Variants in WWTR1 observed in about 807,000 individuals in gnomAD.
WWTR1 encodes the protein WW domain containing transcription regulator 1, also known as WW domain-containing transcription regulator protein 1.
In WWTR1, 13 loss-of-function variants were observed where a neutral mutation model predicts 40.1. That is an observed-to-expected ratio of 0.32 (90% confidence interval 0.21 to 0.52). The LOEUF (loss-of-function observed/expected upper bound fraction) is 0.52, where lower values mean the gene tolerates loss of function less well. Ranked by LOEUF, WWTR1 falls within the 20% of genes least tolerant of loss-of-function variation. The pLI, the probability that WWTR1 is intolerant of heterozygous loss-of-function variation, is 0.97. For missense variants in WWTR1, 436 were observed against 523.1 expected, an observed-to-expected ratio of 0.83 and a Z score of 1.63; for synonymous variants, 230 against 210.1, an observed-to-expected ratio of 1.09 and a Z score of -0.82.
chr3:149,626,192 T>C (rs1740536453), intron 2 of WWTR1, among the ~76,000 whole-genome samples: 1 of 152,208 alleles, frequency 6.6e-6, no homozygotes, highest in South Asian at 2.1e-4. Flanking sequence ...GTGCATTTGA[T>C]TTCAGTAGGA....
intron 5 of WWTR1, among the ~76,000 whole-genome samples, chr3:149,711,414 A>G (rs1715475189): frequency 6.6e-6 from 1 of 152,222 alleles, no homozygotes; most frequent in Non-Finnish European, 1.5e-5. Context: ...TACTATTATT[A>G]TTAACACAAC....
At chr3:149,716,130 C>T (rs1174269796) in intron 5 of WWTR1, among the ~76,000 whole-genome samples, 1 of 152,120 alleles carries the variant, frequency 6.6e-6, no homozygotes, top group African/African-American at 2.4e-5. Context: ...TGCCTGTAAT[C>T]CCAGCACTTT....
At chr3:149,687,231 G>T (rs73000102) in intron 1 of WWTR1, among the ~76,000 whole-genome samples, 6,630 of 152,102 alleles carry the variant, frequency 0.044, 267 homozygotes, top group African/African-American at 0.11. Context: ...AACTTGCCCC[G>T]CGTGCTTATC....
chr3:149,671,287 G>A (rs2108191666), intron 1 of WWTR1, among the ~76,000 whole-genome samples: 1 of 152,224 alleles, frequency 6.6e-6, no homozygotes, highest in Non-Finnish European at 1.5e-5. Flanking sequence ...GACAAGCAAG[G>A]ACATTCCTGT....
At chr3:149,723,189 T>TTTC (rs1715798750) in intron 4 of WWTR1, among the ~76,000 whole-genome samples, 1 of 141,928 alleles carries the variant, frequency 7.0e-6, no homozygotes, top group African/African-American at 2.6e-5. Flanking sequence ...TCTTTTCTTT[T>TTTC]TTTTTTTTTT....
chr3:149,571,214 C>CTTTTTTTTTTTTTTTT (rs10535515), intron 3 of WWTR1, among the ~76,000 whole-genome samples: 1 of 101,276 alleles, frequency 9.9e-6, no homozygotes, highest in African/African-American at 3.9e-5. Flanking sequence ...TTTTTCTTTT[C>CTTTTTTTTTTTTTTTT]TTTTTTTTTT....
At position 149,656,878 on chromosome 3, in the gene WWTR1, G is replaced by C. The variant is rs780370218; in HGVS notation, c.429C>G (p.Leu143=). Residue 143 remains leucine (L), a splice_region_variant and synonymous_variant, in exon 2 of 7, where the codon CTC becomes CTG. Transcript: ENST00000360632. ...TFTATGQRYF[L]NHIEKITTWQ... ...TCTTCGGCTCCAGGCTGACTTACTT[G>C]AGGAAGTACCTCTGGCCAGTGGCCG... 64 of 1,514,188 alleles carry C rather than the reference G, an allele frequency of 4.2e-5. No individual in the cohort carries two copies. Among genetic ancestry groups the C allele is most frequent in the Non-Finnish European group, 5.4e-5 (62 of 1,139,204 alleles). 93.8% of individuals were successfully genotyped at this position (1,514,188 alleles called of 1,614,324 possible).
chr3:149,612,896 T>G (rs1314403409), intron 2 of WWTR1, among the ~76,000 whole-genome samples: 1 of 152,202 alleles, frequency 6.6e-6, no homozygotes, highest in East Asian at 1.9e-4. Flanking sequence ...CTACACAATT[T>G]TTAATGTTTT....
At chr3:149,662,743 G>T (rs936951510), upstream of WWTR1, among the ~76,000 whole-genome samples, 16 of 151,964 alleles carry the variant, frequency 1.1e-4, no homozygotes, top group Non-Finnish European at 1.5e-5. Context: ...TATCAATCTG[G>T]CACTAAAGGT....
chr3:149,657,487 G>A lies in WWTR1; in HGVS notation c.-3-178C>T, dbSNP rs1713320355. ...CAGCGGTAAGACCAGCAGGATGGGG[G>A]AGGGGTCCCTCCTGGCCTCGAGAAT... On this transcript the variant is annotated intron_variant, in intron 1 of 6. Transcript: ENST00000360632. The A allele has an allele frequency of 4.1e-6, 3 of 731,016 alleles. No individual in the cohort carries two copies. In the South Asian group the frequency reaches 5.8e-5, roughly 14 times the overall value. The allele number at this position is 731,016 out of a possible 1,614,324, so 45.3% of individuals were successfully genotyped here. A position where few individuals can be genotyped will look rare whatever the true frequency, so the allele number is the denominator to read the frequency against.
chr3:149,707,725 C>T (rs1185810060), upstream of WWTR1, among the ~76,000 whole-genome samples: 2 of 152,102 alleles, frequency 1.3e-5, no homozygotes, highest in Non-Finnish European at 2.9e-5. Context: ...GTTCTCAGCT[C>T]CAGTCACCCT....
chr3:149,597,502 A>G (rs1739053709), intron 2 of WWTR1, among the ~76,000 whole-genome samples: 1 of 151,958 alleles, frequency 6.6e-6, no homozygotes, highest in Non-Finnish European at 1.5e-5. Flanking sequence ...TTATCTATCT[A>G]GGCGTGGCAG....
At chr3:149,671,374 T>C (rs1714083406) in intron 1 of WWTR1, among the ~76,000 whole-genome samples, 1 of 152,178 alleles carries the variant, frequency 6.6e-6, no homozygotes, top group Non-Finnish European at 1.5e-5. Flanking sequence ...CCCCTGCTTG[T>C]ACATTCAGCC....
intron 2 of WWTR1, among the ~76,000 whole-genome samples, chr3:149,612,048 T>G (rs1739759062): frequency 6.6e-6 from 1 of 152,218 alleles, no homozygotes. Flanking sequence ...GGCAAGAGAC[T>G]GGCTTAGAAC....
chr3:149,718,933 C>T (rs183851783), intron 4 of WWTR1, among the ~76,000 whole-genome samples: 1,754 of 151,396 alleles, frequency 0.012, 26 homozygotes, highest in African/African-American at 0.04. Flanking sequence ...TCAAGCGGTT[C>T]TCCTGCCTCA....
chr3:149,573,613 G>A (rs754456925), intron 2 of WWTR1, among the ~76,000 whole-genome samples: 11 of 152,162 alleles, frequency 7.2e-5, no homozygotes, highest in Non-Finnish European at 1.6e-4. Context: ...TAGCTGGAAG[G>A]CAGAGTATTA....
rs569888537 is a variant in WWTR1 at position 149,620,605 on chromosome 3, T to G, written c.431+36271A>C. The stretch of plus-strand genomic sequence containing the variant: ...ACACTCATCTTCTTTGTAAAAGACT[T>G]CTTTAAAACAACATAGAGTATCTTA... On this transcript the variant is annotated intron_variant, in intron 2 of 6. Transcript: ENST00000360632. Among the ~76,000 whole-genome samples the G allele has an allele frequency of 1.4e-4, 21 of 149,304 alleles. No individual in the cohort carries two copies. The South Asian group carries it at 4.4e-3, about 31-fold the overall frequency.
chr3:149,662,048 C>G (rs897970680), upstream of WWTR1, among the ~76,000 whole-genome samples: 7 of 152,270 alleles, frequency 4.6e-5, no homozygotes, highest in African/African-American at 1.7e-4. Context: ...GCTCTTAACA[C>G]AAAGCCTGCT....
intron 2 of WWTR1, among the ~76,000 whole-genome samples, chr3:149,577,558 C>T (rs1197860868): frequency 6.6e-6 from 1 of 152,092 alleles, no homozygotes; most frequent in Non-Finnish European, 1.5e-5. Context: ...CATTATGAGT[C>T]TCTGCTTAGA....
Sources: allele counts gnomAD v4.1 joint callset (sites outside exome capture counted in the v4.1 genomes callset), GRCh38; gene constraint gnomAD v4.1.1; transcripts MANE v1.5; gene names NCBI Gene and HGNC (gene_info 2026-07-23, HGNC 2026-07-21).